SAMTOR: variants seen among roughly 807,000 people sequenced by gnomAD.
The protein encoded by SAMTOR is UPF0532 protein C7orf60.
the SAMTOR span, among the ~76,000 whole-genome samples, chr7:112,826,668 CTCT>C: frequency 2.6e-5 from 4 of 151,674 alleles, no homozygotes; most frequent in Admixed American, 1.3e-4. Context: ...GGATTTACTG[CTCT>C]TCTTTTTTCT....
chr7:112,824,912 T>G, the SAMTOR span, among the ~76,000 whole-genome samples: 1 of 152,194 alleles, frequency 6.6e-6, no homozygotes, highest in Admixed American at 6.5e-5. Context: ...TCTCCAACAC[T>G]GTCCTTCAAA....
the SAMTOR span, among the ~76,000 whole-genome samples, chr7:112,914,839 G>C: frequency 6.6e-6 from 1 of 152,236 alleles, no homozygotes; most frequent in Non-Finnish European, 1.5e-5. Context: ...ACAGACCTAG[G>C]GAAAGTGAAG....
chr7:112,905,137 C>T, the SAMTOR span, among the ~76,000 whole-genome samples: 3 of 152,160 alleles, frequency 2.0e-5, no homozygotes, highest in African/African-American at 7.2e-5. Flanking sequence ...CCTAGCCAAT[C>T]CTAAACCGTT....
chr7:112,824,129 T>C, the SAMTOR span, among the ~76,000 whole-genome samples: 1 of 152,312 alleles, frequency 6.6e-6, no homozygotes, highest in South Asian at 2.1e-4. Context: ...ATGTGGCTTA[T>C]CTTTTCATTC....
At chr7:112,897,728 A>T in the SAMTOR span, among the ~76,000 whole-genome samples, 12 of 152,348 alleles carry the variant, frequency 7.9e-5, no homozygotes, top group African/African-American at 2.6e-4. Flanking sequence ...ACAGAGTCAG[A>T]TGACGACTGC....
the SAMTOR span, among the ~76,000 whole-genome samples, chr7:112,861,134 A>G: frequency 2.1e-5 from 3 of 145,384 alleles, no homozygotes; most frequent in African/African-American, 2.6e-5. Flanking sequence ...GTGAGTTATA[A>G]TAATATTTTA....
chr7:112,935,193 A>G, the SAMTOR span: 9 of 435,684 alleles, frequency 2.1e-5, no homozygotes, highest in South Asian at 8.6e-5. Context: ...TCACTTGAGA[A>G]AAGAATCTGT....
At chr7:112,926,582 T>A in the SAMTOR span, among the ~76,000 whole-genome samples, 1 of 152,204 alleles carries the variant, frequency 6.6e-6, no homozygotes, top group Non-Finnish European at 1.5e-5. Context: ...TCTCACAAAG[T>A]GTGTTGACAC....
At chr7:112,919,795 C>T in the SAMTOR span, among the ~76,000 whole-genome samples, 3 of 152,058 alleles carry the variant, frequency 2.0e-5, no homozygotes, top group Non-Finnish European at 1.5e-5. Context: ...GAAATACAAA[C>T]TACCATGAGA....
chr7:112,869,986 A>G, the SAMTOR span, among the ~76,000 whole-genome samples: 4 of 152,202 alleles, frequency 2.6e-5, no homozygotes, highest in African/African-American at 7.2e-5. Context: ...TGGTTCTTCA[A>G]ATCAACCCTG....
At chr7:112,921,985 A>ACGGCCCC in the SAMTOR span, among the ~76,000 whole-genome samples, 1 of 148,118 alleles carries the variant, frequency 6.8e-6, no homozygotes, top group East Asian at 2.0e-4. Flanking sequence ...CCCGCTCCCC[A>ACGGCCCC]CGGTCTCCCT....
the SAMTOR span, among the ~76,000 whole-genome samples, chr7:112,897,835 CA>C: frequency 6.6e-6 from 1 of 152,012 alleles, no homozygotes; most frequent in Non-Finnish European, 1.5e-5. Context: ...ACTATCCATG[CA>C]AAAAAGCACC....
chr7:112,874,167 C>T, the SAMTOR span, among the ~76,000 whole-genome samples: 1 of 152,038 alleles, frequency 6.6e-6, no homozygotes, highest in Non-Finnish European at 1.5e-5. Context: ...ACTAGAACTA[C>T]CATTTGACCC....
At chr7:112,865,667 C>CATACATATATTCATATATATTTTTCATAT in the SAMTOR span, among the ~76,000 whole-genome samples, 54 of 92,930 alleles carry the variant, frequency 5.8e-4, 3 homozygotes, top group Admixed American at 2.1e-3. Context: ...ATATTTCATA[C>CATACATATATTCATATATATTTTTCATAT]ATACATATAT....
At chr7:112,860,290 T>A in the SAMTOR span, among the ~76,000 whole-genome samples, 5 of 152,162 alleles carry the variant, frequency 3.3e-5, no homozygotes, top group Admixed American at 6.5e-5. Flanking sequence ...TCAGAATGCA[T>A]CCCTGTTGTT....
chr7:112,869,891 A>G, the SAMTOR span, among the ~76,000 whole-genome samples: 1 of 152,240 alleles, frequency 6.6e-6, no homozygotes, highest in Non-Finnish European at 1.5e-5. Context: ...TGGAATTAAA[A>G]AATTCACTAG....
the SAMTOR span, among the ~76,000 whole-genome samples, chr7:112,865,697 A>ATTTTTT: frequency 1.4e-5 from 2 of 141,534 alleles, no homozygotes; most frequent in African/African-American, 5.6e-5. Context: ...TTTCATATAT[A>ATTTTTT]CATATATTCA....
the SAMTOR span, among the ~76,000 whole-genome samples, chr7:112,846,648 G>A: frequency 1.8e-4 from 28 of 152,276 alleles, no homozygotes; most frequent in African/African-American, 6.3e-4. Context: ...AAGGAATGGA[G>A]CAACTTTCTA....
At chr7:112,883,446 T>C in the SAMTOR span, among the ~76,000 whole-genome samples, 2 of 152,174 alleles carry the variant, frequency 1.3e-5, no homozygotes, top group African/African-American at 4.8e-5. Context: ...AAACAGATAA[T>C]TCTAAAAAAC....
Sources: allele counts gnomAD v4.1 joint callset (sites outside exome capture counted in the v4.1 genomes callset), GRCh38; gene constraint gnomAD v4.1.1; transcripts MANE v1.5; gene names NCBI Gene and HGNC (gene_info 2026-07-23, HGNC 2026-07-21).